NAB1: variants seen among roughly 807,000 people sequenced by gnomAD.
The protein encoded by NAB1 is NGFI-A binding protein 1, also known as NGFI-A-binding protein 1.
NAB1 carries 25 observed loss-of-function variants against 49.9 expected under a neutral mutation model. The ratio of observed to expected loss-of-function variants is 0.50; its 90% confidence interval spans 0.37 to 0.70. The LOEUF is 0.70. Among genes scored for constraint, NAB1 ranks in the 30% least tolerant of loss-of-function variants. The pLI is 0.00. For missense variants in NAB1, 489 were observed against 575.9 expected (o/e 0.85, Z 1.54); for synonymous variants, 198 against 215.6 (o/e 0.92, Z 0.71).
rs187606033 is a variant in NAB1 at position 190,689,402 on chromosome 2, G to A, written c.1376-843G>A. On this transcript the variant is annotated intron_variant, in intron 9 of 9. Transcript: ENST00000337386. This position sits in a 1 kb window ranked among gnomAD's most constrained non-coding sequence, Gnocchi z 4.3. ...CTACTTTTTTTTACTACTCTTACGCGGAACTTAAAATCCCCTTCTGTTTAG... is the reference window on the plus strand; with the variant it reads ...CTACTTTTTTTTACTACTCTTACGCAGAACTTAAAATCCCCTTCTGTTTAG... Among the ~76,000 whole-genome samples, 4 of 152,158 alleles carry A rather than the reference G, an allele frequency of 2.6e-5. No homozygotes were observed. The highest frequency in any genetic ancestry group is 1.9e-4 in the East Asian group (1 of 5,190).
rs1173558104 is a variant in NAB1, at chr2:190,682,058, T to C, written c.1006-1680T>C. Among the ~76,000 whole-genome samples the C allele has an allele frequency of 6.6e-6, 1 of 152,202 alleles. No homozygotes were observed. ...AAAACCATGCTGTCATGATATTTTG[T>C]AGTTATAATGATCATGAGCAATAAA... On this transcript the variant is annotated intron_variant, in intron 6 of 9. Transcript: ENST00000337386. This position sits in a 1 kb window ranked among gnomAD's most constrained non-coding sequence, Gnocchi z 4.1.
upstream of NAB1, chr2:190,649,065 G>A (rs1456034046): frequency 6.9e-6 from 1 of 145,970 alleles, no homozygotes; most frequent in East Asian, 2.0e-4. This position sits in a 1 kb window ranked among gnomAD's most constrained non-coding sequence, Gnocchi z 6.1. Context: ...AAGGCGCGGC[G>A]GGGGAGGCGC....
At chr2:190,681,312 T>C (rs1327105091) in intron 6 of NAB1, among the ~76,000 whole-genome samples, 1 of 152,200 alleles carries the variant, frequency 6.6e-6, no homozygotes, top group Non-Finnish European at 1.5e-5. Context: ...GATAACCGCT[T>C]ATATTGAAGT....
Position 190,684,709 on chromosome 2 carries a change from T to C in NAB1, c.1096-767T>C, listed in dbSNP as rs1695518786. 6.6e-6 allele frequency among the ~76,000 whole-genome samples: 1 copy of C among 152,224 alleles called. No homozygotes were observed. The highest frequency in any genetic ancestry group is 1.5e-5 in the Non-Finnish European group (1 of 68,036). ...ACTCTCTTATATAGCATGGTAGTGA[T>C]TCATATCTGTGCATTTTGACTATTA... On this transcript the variant is annotated intron_variant, in intron 7 of 9. Transcript: ENST00000337386. The surrounding 1 kb of genome is among the most constrained non-coding windows in gnomAD (Gnocchi z 4.6).
chr2:190,679,588 A>G lies in NAB1; in HGVS notation c.1006-4150A>G, dbSNP rs768657284. On this transcript the variant is annotated intron_variant, in intron 6 of 9. Coordinates refer to ENST00000337386, the MANE Select transcript of NAB1 (RefSeq NM_005966.4). The surrounding 1 kb of genome is among the most constrained non-coding windows in gnomAD (Gnocchi z 5.3). ...TTGTATGGCAATGTGTACTTTTCCAAGGTTCACTTATTTGCGTTACTTTAT... is the reference window on the plus strand; with the variant it reads ...TTGTATGGCAATGTGTACTTTTCCAGGGTTCACTTATTTGCGTTACTTTAT... Among the ~76,000 whole-genome samples, 2 of 152,136 alleles carry G rather than the reference A, an allele frequency of 1.3e-5. No individual in the cohort carries two copies. Among genetic ancestry groups the G allele is most frequent in the Non-Finnish European group, 2.9e-5 (2 of 68,030 alleles).
chr2:190,657,520 T>C lies in NAB1; in HGVS notation c.-20+1367T>C, dbSNP rs1476936387. On this transcript the variant is annotated intron_variant, in intron 3 of 9. Coordinates refer to ENST00000337386, the MANE Select transcript of NAB1 (RefSeq NM_005966.4). This position sits in a 1 kb window ranked among gnomAD's most constrained non-coding sequence, Gnocchi z 4.4. The stretch of plus-strand genomic sequence containing the variant: ...TTTTTCAAAAGCACCCCAGGTGATT[T>C]CCTGGGTTTTAGTAGAAGCTACTGG... 2.0e-5 allele frequency among the ~76,000 whole-genome samples: 3 copies of C among 152,222 alleles called. No homozygotes were observed. The highest frequency in any genetic ancestry group is 2.9e-5 in the Non-Finnish European group (2 of 68,032).
intron 2 of NAB1, among the ~76,000 whole-genome samples, chr2:190,650,506 C>G (rs1365372808): frequency 6.6e-6 from 1 of 152,200 alleles, no homozygotes; most frequent in Non-Finnish European, 1.5e-5. Flanking sequence ...TAAAAGTGTT[C>G]ACGCAATGAC....
intron 4 of NAB1, among the ~76,000 whole-genome samples, chr2:190,668,586 A>G (rs1366297343): frequency 6.6e-6 from 1 of 152,200 alleles, no homozygotes; most frequent in African/African-American, 2.4e-5. Flanking sequence ...AAAAAAGTAG[A>G]TTACAAATTT....
At position 190,674,635 on chromosome 2, in the gene NAB1, A is replaced by G. The variant is rs1374290161; in HGVS notation, c.1005+1483A>G. 6.6e-6 allele frequency among the ~76,000 whole-genome samples: 1 copy of G among 152,244 alleles called. No individual in the cohort carries two copies. Among genetic ancestry groups the G allele is most frequent in the Non-Finnish European group, 1.5e-5 (1 of 68,040 alleles). ...TTGCACCTAATAGGCACTTAATAAAATCTATAGAATGAAATAATGAATGGC... is the reference window on the plus strand; with the variant it reads ...TTGCACCTAATAGGCACTTAATAAAGTCTATAGAATGAAATAATGAATGGC... On this transcript the variant is annotated intron_variant, in intron 6 of 9. Transcript: ENST00000337386. The surrounding 1 kb of genome is among the most constrained non-coding windows in gnomAD (Gnocchi z 5.7).
rs1694989789 is a variant in NAB1, at chr2:190,674,760, A to G, written c.1005+1608A>G. Among the ~76,000 whole-genome samples the G allele has an allele frequency of 1.3e-5, 2 of 152,202 alleles. No individual in the cohort carries two copies. The highest frequency in any genetic ancestry group is 1.3e-4 in the Admixed American group (2 of 15,288). On this transcript the variant is annotated intron_variant, in intron 6 of 9. Transcript: ENST00000337386. The surrounding 1 kb of genome is among the most constrained non-coding windows in gnomAD (Gnocchi z 5.7). ...AAAAACAAAAAGCCACATTAAAAAA[A>G]GAAATGTGGGCTGGGTATGGTGGCT...
Position 190,685,796 on chromosome 2 carries a change from A to C in NAB1, c.1258+158A>C, listed in dbSNP as rs561687666. 3 of 657,926 alleles carry C rather than the reference A, an allele frequency of 4.6e-6. No individual in the cohort carries two copies. In the East Asian group the frequency reaches 1.0e-4, roughly 23 times the overall value. The allele number at this position is 657,926 out of a possible 1,614,324, so 40.8% of individuals were successfully genotyped here. A position where few individuals can be genotyped will look rare whatever the true frequency, so the allele number is the denominator to read the frequency against. On this transcript the variant is annotated intron_variant, in intron 8 of 9. Coordinates refer to ENST00000337386, the MANE Select transcript of NAB1 (RefSeq NM_005966.4). This position sits in a 1 kb window ranked among gnomAD's most constrained non-coding sequence, Gnocchi z 4.5. Reference sequence around the variant, plus strand: ...TTTTGAATTCTTCATTTTTCTAAAAAGATAATTTATCCTGCAAATTTTAAT... The same window carrying C: ...TTTTGAATTCTTCATTTTTCTAAAACGATAATTTATCCTGCAAATTTTAAT...
At chr2:190,658,247 G>A (rs1574422638) in intron 3 of NAB1, among the ~76,000 whole-genome samples, 1 of 152,118 alleles carries the variant, frequency 6.6e-6, no homozygotes, top group Non-Finnish European at 1.5e-5. Flanking sequence ...TCCCTGATAC[G>A]TAGTTAGATT....
In NAB1 at chr2:190,676,458, G is replaced by A. The variant is rs1000037170; in HGVS notation, c.1005+3306G>A. 4.6e-5 allele frequency among the ~76,000 whole-genome samples: 7 copies of A among 152,116 alleles called. No homozygotes were observed. Among genetic ancestry groups the A allele is most frequent in the African/African-American group, 1.7e-4 (7 of 41,412 alleles). The stretch of plus-strand genomic sequence containing the variant: ...AAAGTAATATACAAGACTGAGCATG[G>A]TGGCTTATGACTGTAATCCCAGCAC... On this transcript the variant is annotated intron_variant, in intron 6 of 9. Transcript: ENST00000337386. The surrounding 1 kb of genome is among the most constrained non-coding windows in gnomAD (Gnocchi z 4.6).
In NAB1 at chr2:190,659,708, C is replaced by T; in HGVS notation, c.532C>T (p.Leu178=). 1.9e-6 allele frequency: 3 copies of T among 1,613,912 alleles called. No individual in the cohort carries two copies. Among genetic ancestry groups the T allele is most frequent in the Non-Finnish European group, 2.5e-6 (3 of 1,179,984 alleles). ...ESEHSLSPAD[L]GSPASPKESS... ...CGAGCACAGCCTCTCCCCAGCAGAC[C>T]TGGGCTCCCCCGCGTCCCCAAAGGA... Residue 178 remains leucine, a synonymous_variant, in exon 4 of 10, where the codon CTG becomes TTG. Coordinates refer to ENST00000337386, the MANE Select transcript of NAB1 (RefSeq NM_005966.4). This position sits in a 1 kb window ranked among gnomAD's most constrained non-coding sequence, Gnocchi z 6.2.
Position 190,649,115 on chromosome 2 carries a change from A to AGCC in NAB1, c.-564_-562dup, listed in dbSNP as rs545957901. On this transcript the variant is annotated 5_prime_UTR_variant, in exon 1 of 10. Transcript: ENST00000337386. The surrounding 1 kb of genome is among the most constrained non-coding windows in gnomAD (Gnocchi z 6.1). The stretch of plus-strand genomic sequence containing the variant: ...CCGCCCGCGCGCCGCAGCCTGGAGG[A>AGCC]GCCGCCGCCGCCGCCGCGGCCAAGC... The AGCC allele has an allele frequency of 0.25, 30,265 of 120,930 alleles. 4,393 individuals carry two copies. Among genetic ancestry groups the AGCC allele is most frequent in the South Asian group, 0.39 (1,712 of 4,356 alleles). 7.5% of individuals were successfully genotyped at this position (120,930 alleles called of 1,614,324 possible).
rs1159249199 is a variant in NAB1 at position 190,691,330 on chromosome 2, T to G, written c.*997T>G. The G allele has an allele frequency of 6.6e-6, 1 of 152,332 alleles. No homozygotes were observed. Among genetic ancestry groups the G allele is most frequent in the African/African-American group, 2.4e-5 (1 of 41,438 alleles). 9.4% of individuals were successfully genotyped at this position (152,332 alleles called of 1,614,324 possible). A position where few individuals can be genotyped will look rare whatever the true frequency, so the allele number is the denominator to read the frequency against. On this transcript the variant is annotated 3_prime_UTR_variant, in exon 10 of 10. Coordinates refer to ENST00000337386, the MANE Select transcript of NAB1 (RefSeq NM_005966.4). The surrounding 1 kb of genome is among the most constrained non-coding windows in gnomAD (Gnocchi z 4.1). ...GACTAGATGCTTTCACTAGGGAATGTCTTCCCACCCAGCCATCACAAATGT... is the reference window on the plus strand; with the variant it reads ...GACTAGATGCTTTCACTAGGGAATGGCTTCCCACCCAGCCATCACAAATGT...
chr2:190,659,460 C>A lies in NAB1; in HGVS notation c.284C>A (p.Pro95His). Reference protein sequence around the residue: ...PLTSLPVSSIPIYKLPEGSPT... With the variant: ...PLTSLPVSSIHIYKLPEGSPT... ...ACTTCCCTTCCTGTCAGTAGCATAC[C>A]CATCTATAAATTACCAGAGGGATCA... The change falls in exon 4 of 10, where the codon CCC becomes CAC. Residue 95 changes from proline to histidine, a missense_variant. This residue lies in a region of NAB1 where 204 missense variants were observed against 220.9 expected (regional missense o/e 0.92). Coordinates refer to ENST00000337386, the MANE Select transcript of NAB1 (RefSeq NM_005966.4). This position sits in a 1 kb window ranked among gnomAD's most constrained non-coding sequence, Gnocchi z 6.2. 1 of 1,614,130 alleles carries A rather than the reference C, an allele frequency of 6.2e-7. No homozygotes were observed. The highest frequency in any genetic ancestry group is 2.2e-5 in the East Asian group (1 of 44,878).
chr2:190,650,336 T>A (rs992724995), intron 2 of NAB1, among the ~76,000 whole-genome samples: 3 of 152,252 alleles, frequency 2.0e-5, no homozygotes, highest in South Asian at 4.1e-4. Flanking sequence ...CAGTGACGTG[T>A]CTGCCAACTC....
Position 190,666,325 on chromosome 2 carries a change from A to G in NAB1, c.820-4001A>G, listed in dbSNP as rs1198992991. 1.3e-5 allele frequency among the ~76,000 whole-genome samples: 2 copies of G among 152,184 alleles called. No individual in the cohort carries two copies. Among genetic ancestry groups the G allele is most frequent in the African/African-American group, 4.8e-5 (2 of 41,430 alleles). On this transcript the variant is annotated intron_variant, in intron 4 of 9. Coordinates refer to ENST00000337386, the MANE Select transcript of NAB1 (RefSeq NM_005966.4). The surrounding 1 kb of genome is among the most constrained non-coding windows in gnomAD (Gnocchi z 5.6). ...TATAATTTTAACAACCTGTAAAGAA[A>G]GTTTTTTTAGGAATCAGTAAACCAC...
Sources: gnomAD v4.1 joint callset for allele counts (sites outside exome capture counted in the v4.1 genomes callset) on GRCh38, gnomAD v4.1.1 for gene constraint, gnomAD v4.1.1 regional missense constraint, Gnocchi (gnomAD v3.1) non-coding constraint, MANE v1.5 for transcripts, NCBI Gene and HGNC (gene_info 2026-07-23, HGNC 2026-07-21) for gene names.